The following GRID2 variants were observed in gnomAD, a reference collection of about 807,000 sequenced individuals.
The protein encoded by GRID2 is glutamate ionotropic receptor delta type subunit 2.
A neutral mutation model predicts 114.8 loss-of-function variants in GRID2; 33 were observed. The observed-to-expected ratio is 0.29, with a 90% CI of 0.22 to 0.38. GRID2 has a LOEUF of 0.38. Ranked by LOEUF, GRID2 falls within the 10% of genes least tolerant of loss-of-function variation. The pLI is 1.00. For synonymous variants in GRID2, 505 were observed against 449.9 expected, an observed-to-expected ratio of 1.12 and a Z score of -1.55; for missense variants, 1,184 against 1,257.7, an observed-to-expected ratio of 0.94 and a Z score of 0.89.
At chr4:93,662,707 T>C (rs1292393925) in intron 14 of GRID2, among the ~76,000 whole-genome samples, 4 of 152,028 alleles carry the variant, frequency 2.6e-5, no homozygotes, top group Non-Finnish European at 5.9e-5. Context: ...AGCATGAGAG[T>C]TTATATTAGG....
At chr4:92,327,820 C>T (rs371350744) in intron 1 of GRID2, among the ~76,000 whole-genome samples, 16 of 151,508 alleles carry the variant, frequency 1.1e-4, no homozygotes, top group East Asian at 1.9e-4. Context: ...GTTCCCCTCA[C>T]GTAGAGAATA....
At chr4:93,607,884 C>T (rs1240134129) in intron 13 of GRID2, among the ~76,000 whole-genome samples, 2 of 151,978 alleles carry the variant, frequency 1.3e-5, no homozygotes, top group Non-Finnish European at 2.9e-5. Context: ...CTAGTTAAAT[C>T]ATTAGAGAAG....
At chr4:93,146,692 C>A (rs1015127404) in intron 4 of GRID2, among the ~76,000 whole-genome samples, 2 of 64,256 alleles carry the variant, frequency 3.1e-5, no homozygotes, top group Non-Finnish European at 5.8e-5. Context: ...CTACAGGTAC[C>A]TAAGTGATTT....
chr4:93,015,204 G>A (rs1490761739), intron 2 of GRID2, among the ~76,000 whole-genome samples: 1 of 152,062 alleles, frequency 6.6e-6, no homozygotes, highest in East Asian at 1.9e-4. Flanking sequence ...ACCACTAAAA[G>A]ATTAAAACCC....
intron 1 of GRID2, among the ~76,000 whole-genome samples, chr4:92,374,090 T>C (rs1319280210): frequency 6.6e-6 from 1 of 152,118 alleles, no homozygotes; most frequent in African/African-American, 2.4e-5. Flanking sequence ...AGGGCTCTTT[T>C]ACAATTTAAT....
At chr4:92,662,973 A>G (rs1472718710) in intron 2 of GRID2, among the ~76,000 whole-genome samples, 2 of 150,848 alleles carry the variant, frequency 1.3e-5, no homozygotes, top group Non-Finnish European at 3.0e-5. Context: ...TAAGTTTGCT[A>G]GAGAATGATA....
At chr4:93,597,484 T>G (rs1479389417) in intron 13 of GRID2, among the ~76,000 whole-genome samples, 1 of 152,166 alleles carries the variant, frequency 6.6e-6, no homozygotes, top group Non-Finnish European at 1.5e-5. Context: ...TTTTAGTTTA[T>G]GTATGAGATT....
At chr4:92,761,705 A>C (rs1738018953) in intron 2 of GRID2, among the ~76,000 whole-genome samples, 2 of 152,030 alleles carry the variant, frequency 1.3e-5, no homozygotes, top group African/African-American at 4.8e-5. Context: ...ATAAAATATG[A>C]ATAGACAACC....
chr4:92,729,294 C>G (rs1409039356), intron 2 of GRID2, among the ~76,000 whole-genome samples: 1 of 152,016 alleles, frequency 6.6e-6, no homozygotes, highest in Non-Finnish European at 1.5e-5. Context: ...GACATCTACT[C>G]CACTTGTGTC....
intron 8 of GRID2, among the ~76,000 whole-genome samples, chr4:93,358,554 A>C (rs1389690402): frequency 1.3e-5 from 2 of 151,988 alleles, no homozygotes; most frequent in Non-Finnish European, 2.9e-5. Flanking sequence ...AAATGGGGAA[A>C]ATTCACATTA....
chr4:93,535,243 C>CACAT (rs1731926871), intron 13 of GRID2, among the ~76,000 whole-genome samples: 1 of 150,746 alleles, frequency 6.6e-6, no homozygotes, highest in South Asian at 2.1e-4. Flanking sequence ...CACACACACA[C>CACAT]ACACACACAC....
At chr4:93,065,608 A>T (rs1230220264) in intron 2 of GRID2, among the ~76,000 whole-genome samples, 1 of 151,914 alleles carries the variant, frequency 6.6e-6, no homozygotes, top group Non-Finnish European at 1.5e-5. Context: ...TTGTAAGAAC[A>T]GTTAAAAACC....
At chr4:93,334,401 T>C (rs971167275) in intron 8 of GRID2, among the ~76,000 whole-genome samples, 1 of 152,186 alleles carries the variant, frequency 6.6e-6, no homozygotes, top group African/African-American at 2.4e-5. Context: ...CGTCGCACTT[T>C]TTGTGCAGCA....
At chr4:92,918,945 C>T (rs1156728324) in intron 2 of GRID2, among the ~76,000 whole-genome samples, 1 of 152,146 alleles carries the variant, frequency 6.6e-6, no homozygotes, top group Non-Finnish European at 1.5e-5. Flanking sequence ...CCTCCTTGTA[C>T]CTCTGGTAGA....
intron 13 of GRID2, among the ~76,000 whole-genome samples, chr4:93,531,873 CT>C (rs1240988704): frequency 6.6e-6 from 1 of 151,810 alleles, no homozygotes; most frequent in Non-Finnish European, 1.5e-5. Flanking sequence ...TTATTTTTCC[CT>C]ATTAGAATTA....
intron 1 of GRID2, among the ~76,000 whole-genome samples, chr4:92,444,600 A>C (rs1733345759): frequency 6.6e-6 from 1 of 152,282 alleles, no homozygotes; most frequent in Non-Finnish European, 1.5e-5. Context: ...ATCTGGGAGT[A>C]TAGGTGCAAG....
chr4:93,605,968 G>A (rs1439589765), intron 13 of GRID2, among the ~76,000 whole-genome samples: 1 of 152,062 alleles, frequency 6.6e-6, no homozygotes, highest in African/African-American at 2.4e-5. Context: ...AGAGAGGATG[G>A]TAGAAAGTAG....
At position 93,264,757 on chromosome 4, in the gene GRID2, G is replaced by GAT. The variant is rs10567648; in HGVS notation, c.1245+26283_1245+26284dup. Among the ~76,000 whole-genome samples the GAT allele has an allele frequency of 3.3e-3, 453 of 136,866 alleles. 13 individuals carry two copies. In the East Asian group the frequency reaches 0.053, roughly 16 times the overall value. The allele number at this position is 136,866 out of a possible 152,430, so 89.8% of individuals were successfully genotyped here. A position where few individuals can be genotyped will look rare whatever the true frequency, so the allele number is the denominator to read the frequency against. Reference sequence around the variant, plus strand: ...AATTATATATATATATCATTTGAATGATATATATATATATATAAATATATA... The same window carrying GAT: ...AATTATATATATATATCATTTGAATGATATATATATATATATATAAATATATA... On this transcript the variant is annotated intron_variant, in intron 8 of 15. Coordinates refer to ENST00000282020, the MANE Select transcript of GRID2 (RefSeq NM_001510.4).
At chr4:93,366,968 A>G (rs1324838300) in intron 8 of GRID2, among the ~76,000 whole-genome samples, 1 of 151,936 alleles carries the variant, frequency 6.6e-6, no homozygotes, top group Non-Finnish European at 1.5e-5. Context: ...CCCCAATGTT[A>G]TGCATACTCA....
Sources: allele counts gnomAD v4.1 joint callset (sites outside exome capture counted in the v4.1 genomes callset), GRCh38; gene constraint gnomAD v4.1.1; transcripts MANE v1.5; gene names NCBI Gene and HGNC (gene_info 2026-07-23, HGNC 2026-07-21).